Variants in AFF2 observed in about 807,000 individuals in gnomAD.
AFF2 encodes the protein ALF transcription elongation factor 2.
AFF2 carries 14 observed loss-of-function variants against 76.9 expected under a neutral mutation model. That is an observed-to-expected ratio of 0.18 (90% CI 0.12 to 0.28). AFF2 has a LOEUF of 0.28. Ranked by LOEUF, AFF2 falls within the 10% of genes least tolerant of loss-of-function variation. The probability of loss-of-function intolerance (pLI) is 1.00; values close to 1 mark genes in which losing one functional copy is unlikely to be tolerated. For missense variants in AFF2, 868 were observed against 1,001.1 expected (o/e 0.87, Z 1.79); for synonymous variants, 398 against 366.7 (o/e 1.09, Z -0.98).
intron 2 of AFF2, among the ~76,000 whole-genome samples, chrX:148,659,581 GC>G (rs1716289953): frequency 8.9e-6 from 1 of 112,526 alleles, no homozygotes; most frequent in African/African-American, 3.2e-5. Flanking sequence ...ATTGAATATG[GC>G]CAGATATCAC....
intron 7 of AFF2, among the ~76,000 whole-genome samples, chrX:148,858,805 A>G (rs2070814826): frequency 1.8e-5 from 2 of 110,265 alleles, no homozygotes; most frequent in African/African-American, 6.6e-5. Context: ...ATATGTTCTC[A>G]TAGCAGAAGT....
At chrX:148,566,126 G>C (rs1301626752) in intron 1 of AFF2, among the ~76,000 whole-genome samples, 1 of 111,374 alleles carries the variant, frequency 9.0e-6, no homozygotes, top group Non-Finnish European at 1.9e-5. Flanking sequence ...CAACAACTCT[G>C]TGAGGTATCA....
chrX:148,583,862 C>T (rs1283718359), intron 1 of AFF2, among the ~76,000 whole-genome samples: 1 of 111,186 alleles, frequency 9.0e-6, no homozygotes, highest in Non-Finnish European at 1.9e-5. Context: ...AATTGCTAAC[C>T]CATGACACTA....
intron 1 of AFF2, among the ~76,000 whole-genome samples, chrX:148,568,253 C>T (rs1322942262): frequency 8.9e-6 from 1 of 111,814 alleles, no homozygotes; most frequent in Admixed American, 9.5e-5. Context: ...GAGTCCTGAC[C>T]AGATCACTTA....
intron 3 of AFF2, among the ~76,000 whole-genome samples, chrX:148,699,166 G>A (rs2054757483): frequency 8.9e-6 from 1 of 111,958 alleles, no homozygotes; most frequent in African/African-American, 3.3e-5. Flanking sequence ...TTGATTGATG[G>A]GAGTCAGTCC....
chrX:148,877,258 C>G (rs2071045917), intron 7 of AFF2, among the ~76,000 whole-genome samples: 1 of 112,305 alleles, frequency 8.9e-6, no homozygotes, highest in Admixed American at 9.4e-5. Flanking sequence ...TGACCTTGCC[C>G]TGTCTTCTAT....
chrX:148,528,166 T>A (rs1420593535), intron 1 of AFF2, among the ~76,000 whole-genome samples: 1 of 111,931 alleles, frequency 8.9e-6, no homozygotes, highest in Non-Finnish European at 1.9e-5. Flanking sequence ...CTTTTTAAAT[T>A]TACCTCTGGA....
intron 1 of AFF2, among the ~76,000 whole-genome samples, chrX:148,621,295 T>C (rs79719379): frequency 8.9e-6 from 1 of 111,856 alleles, no homozygotes; most frequent in South Asian, 3.7e-4. Context: ...GTATAATATA[T>C]ATATTCATTT....
chrX:148,715,324 T>C (rs1466343192), intron 3 of AFF2, among the ~76,000 whole-genome samples: 2 of 111,697 alleles, frequency 1.8e-5, no homozygotes, highest in African/African-American at 6.5e-5. Context: ...TAGTTTCTGG[T>C]TAGGTGTACA....
chrX:148,531,056 G>T (rs921212083), intron 1 of AFF2, among the ~76,000 whole-genome samples: 2 of 111,799 alleles, frequency 1.8e-5, no homozygotes, highest in Non-Finnish European at 1.9e-5. Flanking sequence ...TATAACTTCT[G>T]TTTATTAAAA....
chrX:148,663,734 A>G, intron 3 of AFF2, among the ~76,000 whole-genome samples: 1 of 111,855 alleles, frequency 8.9e-6, no homozygotes, highest in East Asian at 2.8e-4. Flanking sequence ...ATTCTTACTC[A>G]ATAGGAGTGA....
chrX:148,968,094 T>C (rs1458645560), intron 15 of AFF2, among the ~76,000 whole-genome samples: 8 of 111,311 alleles, frequency 7.2e-5, no homozygotes, highest in Non-Finnish European at 1.5e-4. Flanking sequence ...GCCTCAAAAA[T>C]TGGCTTTGGG....
At chrX:148,778,768 C>A (rs782298094) in intron 3 of AFF2, among the ~76,000 whole-genome samples, 1 of 111,132 alleles carries the variant, frequency 9.0e-6, no homozygotes, top group African/African-American at 3.3e-5. Flanking sequence ...GGCTAGTGAT[C>A]TATCTATTTT....
chrX:148,991,003 G>T (rs1344873513), intron 20 of AFF2, among the ~76,000 whole-genome samples: 2 of 111,998 alleles, frequency 1.8e-5, no homozygotes, highest in Non-Finnish European at 3.8e-5. Flanking sequence ...GCTCACTAAA[G>T]ATTAAAATAA....
intron 3 of AFF2, among the ~76,000 whole-genome samples, chrX:148,741,799 C>T (rs1168444159): frequency 7.2e-5 from 8 of 111,453 alleles, no homozygotes; most frequent in East Asian, 2.8e-4. Flanking sequence ...GGGGACCCAG[C>T]GAGCTCTCAG....
intron 1 of AFF2, among the ~76,000 whole-genome samples, chrX:148,597,023 G>C (rs1260713543): frequency 9.0e-6 from 1 of 111,655 alleles, no homozygotes; most frequent in Non-Finnish European, 1.9e-5. Flanking sequence ...CTACAGAAAG[G>C]GTTATGACAT....
At chrX:148,603,641 A>G (rs112622241) in intron 1 of AFF2, among the ~76,000 whole-genome samples, 2,849 of 110,673 alleles carry the variant, frequency 0.026, 90 homozygotes, top group African/African-American at 0.088. Flanking sequence ...CTCCAGATGC[A>G]GTGAGCCGTT....
At chrX:148,627,994 C>T (rs1040321415) in intron 1 of AFF2, among the ~76,000 whole-genome samples, 4 of 111,109 alleles carry the variant, frequency 3.6e-5, no homozygotes, top group Non-Finnish European at 5.7e-5. Context: ...TTATGGTGTT[C>T]GAGAAAGAGC....
intron 5 of AFF2, among the ~76,000 whole-genome samples, chrX:148,838,509 G>A (rs1444570462): frequency 3.6e-5 from 4 of 111,836 alleles, no homozygotes; most frequent in Non-Finnish European, 7.5e-5. Context: ...CCCCTGGGGA[G>A]TTGAGGAAGT....
Sources: allele counts gnomAD v4.1 joint callset (sites outside exome capture counted in the v4.1 genomes callset), GRCh38; gene constraint gnomAD v4.1.1; transcripts MANE v1.5; gene names NCBI Gene and HGNC (gene_info 2026-07-23, HGNC 2026-07-21).